Variants in SEC23B observed in about 807,000 individuals in gnomAD.
The protein encoded by SEC23B is SEC23 homolog B, COPII component, also known as protein transport protein Sec23B.
SEC23B carries 77 observed loss-of-function variants against 104.3 expected under a neutral mutation model. The observed-to-expected ratio is 0.74, with a 90% CI of 0.61 to 0.89. SEC23B has a LOEUF of 0.89. Among genes scored for constraint, SEC23B ranks in the 40% least tolerant of loss-of-function variants. SEC23B has a pLI of 0.00. For synonymous variants in SEC23B, 338 were observed against 332.5 expected (o/e 1.02, Z -0.18); for missense variants, 885 against 949.4 (o/e 0.93, Z 0.89).
At chr20:18,550,110 A>G (rs1390206471) in intron 16 of SEC23B, among the ~76,000 whole-genome samples, 1 of 148,322 alleles carries the variant, frequency 6.7e-6, no homozygotes, top group Non-Finnish European at 1.5e-5. Flanking sequence ...GTATATATAA[A>G]TATAAATTAT....
chr20:18,527,729 G>A, intron 9 of SEC23B, 118 bp downstream of exon 9: 1 of 787,754 alleles, frequency 1.3e-6, no homozygotes, highest in South Asian at 1.4e-5. Context: ...GGTAGCTCTG[G>A]GCTATGGTTT....
intron 8 of SEC23B, 121 bp downstream of exon 8, chr20:18,526,652 A>G: frequency 9.5e-7 from 1 of 1,054,428 alleles, no homozygotes; most frequent in Non-Finnish European, 1.5e-6. Context: ...TGTTTCAGAG[A>G]CAGTTTTCCA....
intron 12 of SEC23B, among the ~76,000 whole-genome samples, 173 bp downstream of exon 12, chr20:18,535,915 C>T (rs1000327231): frequency 1.3e-5 from 2 of 152,156 alleles, no homozygotes; most frequent in South Asian, 2.1e-4. Flanking sequence ...AGGGTTTAGT[C>T]GGAGTCAGGC....
At chr20:18,525,098 T>C (rs781724819) in intron 6 of SEC23B, 78 bp downstream of exon 6, 1 of 1,199,220 alleles carries the variant, frequency 8.3e-7, no homozygotes, top group Admixed American at 1.8e-5. Context: ...AAGAAAAATA[T>C]TAGAATTTGT....
intron 4 of SEC23B, among the ~76,000 whole-genome samples, chr20:18,522,361 C>T (rs147978765): frequency 2.6e-5 from 4 of 152,306 alleles, no homozygotes; most frequent in East Asian, 3.9e-4. Flanking sequence ...TTCCTGAGTC[C>T]GTGACCGGCG....
chr20:18,511,005 A>G lies in SEC23B; in HGVS notation c.170A>G (p.Glu57Gly). The G allele has an allele frequency of 6.2e-7, 1 of 1,614,198 alleles. No homozygotes were observed. The highest frequency in any genetic ancestry group is 1.3e-5 in the African/African-American group (1 of 75,060). Residue 57 changes from glutamate (E) to glycine (G), a missense_variant, in exon 2 of 20, where the codon GAA (glutamate) becomes GGA (glycine). Glu to Gly is a moderately conservative substitution (Grantham distance 98, BLOSUM62 -2). Transcript: ENST00000650089. ...CCAGACCTACCTCCTGTACAATATG[A>G]ACCTGTGCTTTGCAGCAGGCCAACT... is the stretch of plus-strand genomic sequence containing the variant. The part of the protein sequence containing the change: ...ERPDLPPVQY[E>G]PVLCSRPTCK...
At chr20:18,515,576 C>A (rs558483639) in intron 3 of SEC23B, 74 bp from the exon 4 acceptor site, 2 of 893,680 alleles carry the variant, frequency 2.2e-6, no homozygotes, top group East Asian at 2.5e-5. Context: ...GCATCATTAT[C>A]ATTTTTACAC....
In SEC23B at chr20:18,527,570, A is replaced by G. The variant is rs145362985; in HGVS notation, c.1068A>G (p.Gln356=). ...CIDIYACALD[Q]TGLLEMKCCA... ...ATATTTATGCTTGTGCCCTTGATCA[A>G]ACTGGACTTTTGGAGATGAAGTGTT... Residue 356 remains glutamine, a synonymous_variant, in exon 9 of 20, where the codon CAA becomes CAG. Transcript: ENST00000650089. The G allele has an allele frequency of 9.3e-6, 15 of 1,613,380 alleles. No homozygotes were observed. Among genetic ancestry groups the G allele is most frequent in the South Asian group, 4.4e-5 (4 of 91,078 alleles).
intron 11 of SEC23B, among the ~76,000 whole-genome samples, chr20:18,534,444 C>T (rs1314142824): frequency 6.6e-6 from 1 of 152,102 alleles, no homozygotes; most frequent in African/African-American, 2.4e-5. Context: ...GCCTTTTTGC[C>T]AAGCATTGTT....
intron 4 of SEC23B, 144 bp downstream of exon 4, chr20:18,515,880 G>C: frequency 1.5e-6 from 1 of 677,636 alleles, no homozygotes. Flanking sequence ...TGATGTGTGT[G>C]CATCTACTGG....
At chr20:18,515,969 C>T (rs1256406393) in intron 4 of SEC23B, 7 of 503,138 alleles carry the variant, frequency 1.4e-5, no homozygotes, top group Middle Eastern at 5.5e-4. Context: ...TTCTCTGTAG[C>T]CTTCTTCATC....
chr20:18,524,850 A>T, intron 5 of SEC23B, 85 bp from the exon 6 acceptor site: 4 of 1,457,120 alleles, frequency 2.7e-6, no homozygotes, highest in Non-Finnish European at 3.8e-6. Flanking sequence ...ATGCCACCAC[A>T]CCCAGCTGAG....
intron 1 of SEC23B, 108 bp downstream of exon 1, chr20:18,508,080 TTTC>T (rs2059946984): frequency 6.6e-6 from 1 of 152,374 alleles, no homozygotes; most frequent in African/African-American, 2.4e-5. Context: ...GAGGAGGCCT[TTTC>T]TTGACAGTTT....
chr20:18,517,684 G>A (rs1428059525), intron 4 of SEC23B, among the ~76,000 whole-genome samples: 1 of 152,204 alleles, frequency 6.6e-6, no homozygotes, highest in Non-Finnish European at 1.5e-5. Flanking sequence ...GGGATTAGGG[G>A]CAGCGTGGGA....
chr20:18,529,215 T>C (rs187841514), intron 9 of SEC23B, among the ~76,000 whole-genome samples: 8 of 152,310 alleles, frequency 5.3e-5, no homozygotes, highest in Admixed American at 5.2e-4. Context: ...TGTGAAGGAA[T>C]CTGATTTGTT....
intron 18 of SEC23B, 69 bp downstream of exon 18, chr20:18,554,459 A>G: frequency 6.6e-7 from 1 of 1,523,068 alleles, no homozygotes; most frequent in Non-Finnish European, 9.1e-7. Context: ...CTATACATCT[A>G]AACAGGATGG....
intron 16 of SEC23B, among the ~76,000 whole-genome samples, chr20:18,549,598 C>G (rs185576365): frequency 2.0e-5 from 3 of 151,372 alleles, no homozygotes; most frequent in Admixed American, 2.0e-4. Flanking sequence ...GAAAAAAAGT[C>G]AAAATAGAAA....
Position 18,543,277 on chromosome 20 carries a change from A to C in SEC23B, c.1665+105A>C, listed in dbSNP as rs184478634. The C allele has an allele frequency of 3.2e-5, 45 of 1,410,370 alleles. No homozygotes were observed. The African/African-American group carries it at 5.7e-4, about 18-fold the overall frequency. 87.4% of individuals were successfully genotyped at this position (1,410,370 alleles called of 1,614,324 possible). A position where few individuals can be genotyped will look rare whatever the true frequency, so the allele number is the denominator to read the frequency against. On this transcript the variant is annotated intron_variant, in intron 14 of 19. Transcript: ENST00000650089. ...TTATATAGTGAATCAGCAAGAATTT[A>C]TCAGTTGCCTACCTTATGCTGCACG...
intron 12 of SEC23B, among the ~76,000 whole-genome samples, chr20:18,541,940 A>T (rs2060291033): frequency 6.6e-6 from 1 of 152,222 alleles, no homozygotes; most frequent in Non-Finnish European, 1.5e-5. Flanking sequence ...TTAATGATTA[A>T]CAATCCGTCA....
Sources: gnomAD v4.1 joint callset for allele counts (sites outside exome capture counted in the v4.1 genomes callset) on GRCh38, gnomAD v4.1.1 for gene constraint, MANE v1.5 for transcripts, NCBI Gene and HGNC (gene_info 2026-07-23, HGNC 2026-07-21) for gene names.